The following ERMP1 variants were observed in gnomAD, a reference collection of about 807,000 sequenced individuals.
ERMP1 encodes the protein endoplasmic reticulum metallopeptidase 1.
Under a neutral mutation model 92.0 loss-of-function variants are expected in ERMP1, and 86 were observed. The ratio of observed to expected loss-of-function variants is 0.93; its 90% CI spans 0.79 to 1.12. The LOEUF (loss-of-function observed/expected upper bound fraction) is 1.12. ERMP1 is among the 50% of genes most tolerant of loss of function. The probability of loss-of-function intolerance (pLI) is 0.00; values close to 1 mark genes in which losing one functional copy is unlikely to be tolerated. For missense variants in ERMP1, 1,342 were observed against 1,116.3 expected (o/e 1.20, Z -2.88); for synonymous variants, 530 against 412.8 (o/e 1.28, Z -3.44).
chr9:5,830,946 A>G lies in ERMP1; in HGVS notation c.421T>C (p.Leu141=), dbSNP rs1235028197. The part of the protein sequence containing the change: ...ENEILTVHYL[L]EQIKLIEVQS... Reference sequence around the variant, plus strand: ...ACTTCAATCAGTTTAATCTGTTCCAAAAGGTAGTGCACGGTCAGAATTTCA... The same window carrying G: ...ACTTCAATCAGTTTAATCTGTTCCAGAAGGTAGTGCACGGTCAGAATTTCA... Residue 141 remains leucine (L), a synonymous_variant, in exon 2 of 15, where the codon TTG becomes CTG. Transcript: ENST00000339450. 6.2e-6 allele frequency: 10 copies of G among 1,613,976 alleles called. No individual in the cohort carries two copies. Among genetic ancestry groups the G allele is most frequent in the Non-Finnish European group, 7.6e-6 (9 of 1,179,966 alleles).
intron 4 of ERMP1, among the ~76,000 whole-genome samples, chr9:5,820,651 G>A (rs1040014360): frequency 3.9e-5 from 6 of 152,190 alleles, no homozygotes; most frequent in Non-Finnish European, 7.3e-5. Context: ...GTCGCTCTCA[G>A]AAGTGACAAG....
At chr9:5,851,094 T>G (rs1441303866) in intron 6 of ERMP1, among the ~76,000 whole-genome samples, 3 of 152,202 alleles carry the variant, frequency 2.0e-5, no homozygotes, top group Admixed American at 2.0e-4. Flanking sequence ...GTTAGCCCTT[T>G]TAGGCCCAAC....
At chr9:5,826,069 G>C (rs185147118) in intron 2 of ERMP1, among the ~76,000 whole-genome samples, 1 of 152,180 alleles carries the variant, frequency 6.6e-6, no homozygotes, top group African/African-American at 2.4e-5. Flanking sequence ...TACTTTTAGA[G>C]AGGAACTGAT....
At chr9:5,828,850 T>G (rs1275597963) in intron 2 of ERMP1, among the ~76,000 whole-genome samples, 2 of 152,216 alleles carry the variant, frequency 1.3e-5, no homozygotes, top group Non-Finnish European at 2.9e-5. Context: ...TATATAATGT[T>G]CTTAAGCAAC....
At position 5,799,670 on chromosome 9, in the gene ERMP1, C is replaced by T. The variant is rs369613067; in HGVS notation, c.2068-662G>A. On this transcript the variant is annotated intron_variant, in intron 11 of 14. Coordinates refer to ENST00000339450, the MANE Select transcript of ERMP1 (RefSeq NM_024896.3). The stretch of plus-strand genomic sequence containing the variant: ...TTTGGGTATACTCTGTTGCTGCTTT[C>T]GCTCTGTTTCACTGCAACAGACTGT... Among the ~76,000 whole-genome samples the T allele has an allele frequency of 2.8e-4, 43 of 152,308 alleles. No individual in the cohort carries two copies. The East Asian group carries it at 4.4e-3, about 16-fold the overall frequency.
intron 11 of ERMP1, 35 bp from the exon 12 acceptor site, chr9:5,799,043 A>ACTAGT: frequency 6.6e-7 from 1 of 1,504,918 alleles, no homozygotes; most frequent in Non-Finnish European, 9.2e-7. Context: ...AACTGTTTCA[A>ACTAGT]CTAGTACACC....
At chr9:5,803,014 CAGAGCG>C (rs1254955998) in intron 10 of ERMP1, among the ~76,000 whole-genome samples, 1 of 151,138 alleles carries the variant, frequency 6.6e-6, no homozygotes, top group Non-Finnish European at 1.5e-5. Flanking sequence ...GCCTGAGTGA[CAGAGCG>C]AGACTCTGTC....
At chr9:5,851,968 CTT>C (rs1000879934) in intron 6 of ERMP1, among the ~76,000 whole-genome samples, 1 of 152,050 alleles carries the variant, frequency 6.6e-6, no homozygotes, top group African/African-American at 2.4e-5. Context: ...AATAAAAACA[CTT>C]AGTTTTTCAT....
chr9:5,802,323 A>G (rs1038613148), intron 10 of ERMP1, among the ~76,000 whole-genome samples: 1 of 152,072 alleles, frequency 6.6e-6, no homozygotes, highest in Non-Finnish European at 1.5e-5. Flanking sequence ...CCTCCCCTTT[A>G]TGCCTTCTTC....
chr9:5,826,049 CAG>C (rs1281253575), intron 2 of ERMP1, among the ~76,000 whole-genome samples: 1 of 152,084 alleles, frequency 6.6e-6, no homozygotes, highest in Non-Finnish European at 1.5e-5. Flanking sequence ...GCCAGCAACA[CAG>C]AGTGAAATAC....
At chr9:5,866,192 C>T (rs1020900404) in intron 5 of ERMP1, among the ~76,000 whole-genome samples, 2 of 152,210 alleles carry the variant, frequency 1.3e-5, no homozygotes, top group African/African-American at 4.8e-5. Context: ...CCCTCTCTTA[C>T]ACCAGTTTCC....
chr9:5,801,853 C>A (rs1422711036), intron 10 of ERMP1, among the ~76,000 whole-genome samples: 1 of 152,120 alleles, frequency 6.6e-6, no homozygotes, highest in Non-Finnish European at 1.5e-5. Context: ...TAATATTATC[C>A]CTCTAAGTGA....
intron 8 of ERMP1, among the ~76,000 whole-genome samples, chr9:5,806,880 A>G (rs913941131): frequency 6.6e-6 from 1 of 152,196 alleles, no homozygotes; most frequent in South Asian, 2.1e-4. Flanking sequence ...CAAGGGCTCA[A>G]GAGTTTCTGT....
At chr9:5,828,679 T>G (rs1829818132) in intron 2 of ERMP1, among the ~76,000 whole-genome samples, 1 of 152,256 alleles carries the variant, frequency 6.6e-6, no homozygotes, top group Non-Finnish European at 1.5e-5. Flanking sequence ...ATCTCCCATG[T>G]ACATGAAGTG....
intron 6 of ERMP1, among the ~76,000 whole-genome samples, chr9:5,847,312 A>C (rs1438215565): frequency 1.3e-5 from 2 of 152,168 alleles, no homozygotes; most frequent in African/African-American, 4.8e-5. Context: ...GCTGTAGTGC[A>C]GTCTGCTCCT....
At chr9:5,818,192 G>A (rs1829394726) in intron 4 of ERMP1, among the ~76,000 whole-genome samples, 1 of 151,634 alleles carries the variant, frequency 6.6e-6, no homozygotes, top group Non-Finnish European at 1.5e-5. Flanking sequence ...TCAAGACTAT[G>A]ACTACAGACC....
At chr9:5,812,804 C>T in intron 5 of ERMP1, 85 bp downstream of exon 5, 2 of 1,412,518 alleles carry the variant, frequency 1.4e-6, no homozygotes, top group Admixed American at 1.7e-5. Flanking sequence ...TCAGAAAATG[C>T]TGTTTACTCA....
At chr9:5,855,270 G>C (rs1260396054) in intron 6 of ERMP1, among the ~76,000 whole-genome samples, 3 of 152,214 alleles carry the variant, frequency 2.0e-5, no homozygotes, top group African/African-American at 7.2e-5. Flanking sequence ...AAAAAGGAGT[G>C]ATTCCTACTG....
At chr9:5,861,770 G>A (rs1380544173) in intron 5 of ERMP1, among the ~76,000 whole-genome samples, 1 of 114,298 alleles carries the variant, frequency 8.7e-6, no homozygotes, top group Non-Finnish European at 1.7e-5. Context: ...ATAGTCCAAG[G>A]TCAAAGGATC....
Sources: gnomAD v4.1 joint callset for allele counts (sites outside exome capture counted in the v4.1 genomes callset) on GRCh38, gnomAD v4.1.1 for gene constraint, MANE v1.5 for transcripts, NCBI Gene and HGNC (gene_info 2026-07-23, HGNC 2026-07-21) for gene names.